The following CAST variants were observed in gnomAD, a reference collection of about 807,000 sequenced individuals.
The protein encoded by CAST is calpastatin, also known as MIR583 host.
A neutral mutation model predicts 119.6 loss-of-function variants in CAST; 76 were observed. The ratio of observed to expected loss-of-function variants is 0.64; its 90% CI spans 0.53 to 0.77. The LOEUF is 0.77. CAST is among the 30% of genes least tolerant of loss of function. The pLI is 0.00. For missense variants in CAST, 953 were observed against 946.5 expected (o/e 1.01, Z -0.09); for synonymous variants, 319 against 331.6 (o/e 0.96, Z 0.41).
At chr5:96,210,834 AT>A in the CAST span, among the ~76,000 whole-genome samples, 1 of 151,810 alleles carries the variant, frequency 6.6e-6, no homozygotes, top group Non-Finnish European at 1.5e-5. Flanking sequence ...CTCTATTTAG[AT>A]TTTTTTTATT....
At chr5:96,768,381 G>T (rs763919522) in intron 29 of CAST, 2 of 457,310 alleles carry the variant, frequency 4.4e-6, no homozygotes, top group South Asian at 3.1e-5. Context: ...ACTGCGCCTG[G>T]CCCTTACAAT....
At chr5:96,669,865 C>CTG in intron 1 of CAST, among the ~76,000 whole-genome samples, 1 of 152,336 alleles carries the variant, frequency 6.6e-6, no homozygotes, top group East Asian at 1.9e-4. Context: ...TCAATCCTGG[C>CTG]TGTATATTGG....
the CAST span, among the ~76,000 whole-genome samples, chr5:96,351,971 G>A: frequency 2.6e-5 from 4 of 152,130 alleles, no homozygotes; most frequent in Non-Finnish European, 5.9e-5. Flanking sequence ...TGTTGGGTGG[G>A]TATTTTTGTG....
At chr5:96,017,305 C>T in the CAST span, among the ~76,000 whole-genome samples, 13 of 152,200 alleles carry the variant, frequency 8.5e-5, no homozygotes, top group African/African-American at 3.1e-4. Context: ...AGCGCAGATC[C>T]TAGGGGTTGA....
the CAST span, among the ~76,000 whole-genome samples, chr5:96,125,619 A>G: frequency 6.6e-6 from 1 of 152,144 alleles, no homozygotes; most frequent in Non-Finnish European, 1.5e-5. Flanking sequence ...AAAGGATATA[A>G]TTATAGTACT....
At chr5:96,404,862 G>A in the CAST span, among the ~76,000 whole-genome samples, 28 of 152,196 alleles carry the variant, frequency 1.8e-4, no homozygotes, top group South Asian at 4.2e-4. Context: ...TGTTGTAAGC[G>A]TTATAATTAA....
At chr5:96,700,481 T>C (rs1409370141) in intron 3 of CAST, among the ~76,000 whole-genome samples, 1 of 152,146 alleles carries the variant, frequency 6.6e-6, no homozygotes, top group Non-Finnish European at 1.5e-5. Context: ...TGAGTCAGTG[T>C]GGGTTTTATT....
At chr5:96,204,807 G>A in the CAST span, among the ~76,000 whole-genome samples, 1 of 151,932 alleles carries the variant, frequency 6.6e-6, no homozygotes, top group Non-Finnish European at 1.5e-5. Flanking sequence ...ATATCAGGAA[G>A]ACTCCAGCTG....
At chr5:96,465,180 C>T in the CAST span, among the ~76,000 whole-genome samples, 1 of 151,542 alleles carries the variant, frequency 6.6e-6, no homozygotes, top group African/African-American at 2.4e-5. Context: ...TAAATGTTCT[C>T]TTTATTTAAA....
At chr5:96,741,718 A>C (rs1332309408) in intron 15 of CAST, 138 bp downstream of exon 15, 3 of 621,834 alleles carry the variant, frequency 4.8e-6, no homozygotes, top group Non-Finnish European at 2.9e-6. Flanking sequence ...TAGTGAAGCC[A>C]ATGAGGGTTA....
chr5:96,682,179 C>T (rs1379549830), intron 2 of CAST, among the ~76,000 whole-genome samples: 1 of 152,226 alleles, frequency 6.6e-6, no homozygotes, highest in Non-Finnish European at 1.5e-5. Context: ...AATATATCCA[C>T]TGCAGATAAG....
chr5:96,121,652 T>C, the CAST span, among the ~76,000 whole-genome samples: 4 of 152,282 alleles, frequency 2.6e-5, no homozygotes, highest in South Asian at 2.1e-4. Flanking sequence ...GCAAGTTCAA[T>C]TGAAGTGTAA....
At chr5:96,316,539 T>A in the CAST span, among the ~76,000 whole-genome samples, 2 of 152,188 alleles carry the variant, frequency 1.3e-5, no homozygotes, top group African/African-American at 4.8e-5. Flanking sequence ...ACTGTCAGCA[T>A]CAGATAAAGC....
chr5:96,041,017 G>T, the CAST span, among the ~76,000 whole-genome samples: 8 of 152,184 alleles, frequency 5.3e-5, no homozygotes, highest in African/African-American at 1.9e-4. Context: ...TTTTTGGTTG[G>T]TAGGCTATTA....
the CAST span, among the ~76,000 whole-genome samples, chr5:96,421,328 G>A: frequency 6.6e-6 from 1 of 152,314 alleles, no homozygotes; most frequent in South Asian, 2.1e-4. Context: ...AGGAACTCTG[G>A]AGGAGACTTC....
the CAST span, among the ~76,000 whole-genome samples, chr5:96,182,653 A>G: frequency 6.6e-6 from 1 of 152,240 alleles, no homozygotes; most frequent in Non-Finnish European, 1.5e-5. Context: ...CCATTACAAT[A>G]TAGTATTAAT....
At chr5:96,693,866 G>A (rs1290581320) in intron 2 of CAST, among the ~76,000 whole-genome samples, 1 of 152,084 alleles carries the variant, frequency 6.6e-6, no homozygotes, top group Admixed American at 6.6e-5. Context: ...CATTTATCTA[G>A]GTTTTTTTCT....
the CAST span, among the ~76,000 whole-genome samples, chr5:96,187,377 C>A: frequency 1.3e-5 from 2 of 151,958 alleles, no homozygotes; most frequent in Non-Finnish European, 2.9e-5. Context: ...TATTTCTTAT[C>A]TTCTATAGCT....
At chr5:96,223,251 A>G in the CAST span, among the ~76,000 whole-genome samples, 1 of 152,176 alleles carries the variant, frequency 6.6e-6, no homozygotes, top group Non-Finnish European at 1.5e-5. Context: ...TACATGTTTC[A>G]AAGTAGAGAG....
Sources: gnomAD v4.1 joint callset for allele counts (sites outside exome capture counted in the v4.1 genomes callset) on GRCh38, gnomAD v4.1.1 for gene constraint, MANE v1.5 for transcripts, NCBI Gene and HGNC (gene_info 2026-07-23, HGNC 2026-07-21) for gene names.